The following NLRP1 variants were observed in gnomAD, a reference collection of about 807,000 sequenced individuals.
NLRP1 encodes the protein NACHT, LRR and PYD domains-containing protein 1.
A neutral mutation model predicts 136.7 loss-of-function variants in NLRP1; 94 were observed. That is an observed-to-expected ratio of 0.69 (90% CI 0.58 to 0.82). NLRP1 has a LOEUF of 0.82. NLRP1 is among the 40% of genes least tolerant of loss of function. The probability of loss-of-function intolerance (pLI) is 0.00; values close to 1 mark genes in which losing one functional copy is unlikely to be tolerated. For synonymous variants in NLRP1, 690 were observed against 725.1 expected, an observed-to-expected ratio of 0.95 and a Z score of 0.78; for missense variants, 1,575 against 1,802.7, an observed-to-expected ratio of 0.87 and a Z score of 2.29.
At chr17:5,569,223 G>A (rs534035888) in intron 3 of NLRP1, among the ~76,000 whole-genome samples, 5 of 152,242 alleles carry the variant, frequency 3.3e-5, no homozygotes, top group Admixed American at 6.5e-5. Flanking sequence ...AATCAAGTCT[G>A]CAAAATAATC....
intron 7 of NLRP1, among the ~76,000 whole-genome samples, chr17:5,539,022 C>T (rs1433260869): frequency 6.6e-6 from 1 of 152,100 alleles, no homozygotes; most frequent in African/African-American, 2.4e-5. Flanking sequence ...AGGTGCACAC[C>T]ACCATGCCCA....
intron 3 of NLRP1, among the ~76,000 whole-genome samples, chr17:5,579,242 C>G (rs1905322811): frequency 6.7e-6 from 1 of 148,326 alleles, no homozygotes; most frequent in Non-Finnish European, 1.5e-5. Context: ...CACATGTACC[C>G]TAGAACTTAA....
rs761691866 is a variant in NLRP1, at chr17:5,517,852, G to T, written c.3951C>A (p.Asp1317Glu). The change falls in exon 15 of 17, where the codon GAC becomes GAA. Residue 1317 changes from aspartate (D) to glutamate (E), a missense_variant. Coordinates refer to ENST00000572272, the MANE Select transcript of NLRP1 (RefSeq NM_033004.4). ...CAACGTAGAACTCCGAGAACAGCTGGTCTTCTCCAGGGCTTCGATAGCAGA... is the reference window on the plus strand; with the variant it reads ...CAACGTAGAACTCCGAGAACAGCTGTTCTTCTCCAGGGCTTCGATAGCAGA... ...LELCYRSPGEDQLFSEFYVGH... is the reference protein window; with the variant it reads ...LELCYRSPGEEQLFSEFYVGH... The T allele has an allele frequency of 2.5e-6, 4 of 1,614,022 alleles. No individual in the cohort carries two copies. Among genetic ancestry groups the T allele is most frequent in the Non-Finnish European group, 3.4e-6 (4 of 1,180,012 alleles).
chr17:5,572,019 G>A (rs559084639), intron 3 of NLRP1, among the ~76,000 whole-genome samples: 5 of 152,186 alleles, frequency 3.3e-5, no homozygotes, highest in African/African-American at 9.6e-5. Flanking sequence ...TATTCAATAC[G>A]TGATGCTGAG....
intron 15 of NLRP1, among the ~76,000 whole-genome samples, chr17:5,507,651 C>T (rs8069658): frequency 0.28 from 42,721 of 152,138 alleles, 6,463 homozygotes; most frequent in African/African-American, 0.4. Context: ...AGTGAAACCC[C>T]GTCTCTATTA....
intron 15 of NLRP1, 34 bp from the exon 16 acceptor site, chr17:5,515,551 A>G (rs1907992458): frequency 1.3e-6 from 2 of 1,554,580 alleles, no homozygotes; most frequent in Non-Finnish European, 1.8e-6. Flanking sequence ...TGCATCTGAA[A>G]CAGTGCTAAG....
rs775300927 is a variant in NLRP1, at chr17:5,559,062, T to C, written c.1634A>G (p.Lys545Arg). 1.9e-6 allele frequency: 3 copies of C among 1,614,156 alleles called. No homozygotes were observed. Among genetic ancestry groups the C allele is most frequent in the Non-Finnish European group, 1.7e-6 (2 of 1,180,032 alleles). ...ATGTAGACAGAGGGTTGTGGTGGTC[T>C]TGGAAGTCAGTGTGAGTTTTTCCTT... ...KRKEKLTLTS[K>R]TTTTLCLHYL... Residue 545 changes from lysine to arginine, a missense_variant, in exon 4 of 17, where the codon AAG (lysine) becomes AGG (arginine). Lys to Arg is a conservative substitution (Grantham distance 26). Transcript: ENST00000572272.
chr17:5,580,990 C>T (rs1008376622), intron 3 of NLRP1, among the ~76,000 whole-genome samples: 5 of 152,102 alleles, frequency 3.3e-5, no homozygotes, highest in African/African-American at 1.2e-4. Context: ...TGTTACATGG[C>T]TTCTTTTTTT....
chr17:5,534,090 A>G (rs1910718096), intron 8 of NLRP1, 102 bp from the exon 9 acceptor site: 14 of 832,604 alleles, frequency 1.7e-5, no homozygotes, highest in South Asian at 5.4e-5. Context: ...GGTCGGGTGC[A>G]GTGGCTCATG....
Position 5,533,390 on chromosome 17 carries a change from G to GA in NLRP1, c.3053-7dup. On this transcript the variant is annotated splice_region_variant and splice_polypyrimidine_tract_variant and intron_variant, in intron 9 of 16. Coordinates refer to ENST00000572272, the MANE Select transcript of NLRP1 (RefSeq NM_033004.4). Reference sequence around the variant, plus strand: ...AACATGGGAAGCCGCCCTCTCTACAGAAAAAAGAAAAATATCAGCCAGGCA... The same window carrying GA: ...AACATGGGAAGCCGCCCTCTCTACAGAAAAAAAGAAAAATATCAGCCAGGCA... 1.0e-6 allele frequency: 1 copy of GA among 989,918 alleles called. No homozygotes were observed. The highest frequency in any genetic ancestry group is 1.6e-6 in the Non-Finnish European group (1 of 637,288). The allele number at this position is 989,918 out of a possible 1,614,324, so 61.3% of individuals were successfully genotyped here.
chr17:5,537,159 G>A lies in NLRP1; in HGVS notation c.2871-219C>T, dbSNP rs895013938. ...AGGGAAGGGAGGGAATCGGGGAGACGTGGGCTGTGAGGCAGTCTCCAATGG... is the reference window on the plus strand; with the variant it reads ...AGGGAAGGGAGGGAATCGGGGAGACATGGGCTGTGAGGCAGTCTCCAATGG... On this transcript the variant is annotated intron_variant, in intron 7 of 16. Transcript: ENST00000572272. The surrounding 1 kb of genome is among the most constrained non-coding windows in gnomAD (Gnocchi z 4.5). 6.6e-5 allele frequency among the ~76,000 whole-genome samples: 10 copies of A among 152,230 alleles called. No individual in the cohort carries two copies. Among genetic ancestry groups the A allele is most frequent in the Admixed American group, 5.2e-4 (8 of 15,284 alleles).
intron 2 of NLRP1, 51 bp from the exon 3 acceptor site, chr17:5,582,113 T>C (rs1321039132): frequency 1.4e-6 from 2 of 1,411,744 alleles, no homozygotes; most frequent in East Asian, 4.9e-5. Flanking sequence ...TTATTTTCTT[T>C]TAGGTGCATA....
chr17:5,566,191 ATTTCT>A (rs1417892703), intron 3 of NLRP1, among the ~76,000 whole-genome samples: 1 of 149,670 alleles, frequency 6.7e-6, no homozygotes, highest in East Asian at 2.0e-4. Context: ...GATCTTTGTT[ATTTCT>A]TTTCATCTAC....
intron 3 of NLRP1, among the ~76,000 whole-genome samples, chr17:5,563,803 T>C (rs372886165): frequency 4.3e-4 from 66 of 152,242 alleles, no homozygotes; most frequent in African/African-American, 1.6e-3. Context: ...AAGACAATCA[T>C]CCCTAAAACA....
intron 3 of NLRP1, among the ~76,000 whole-genome samples, chr17:5,572,835 G>C (rs977812294): frequency 1.3e-5 from 2 of 152,154 alleles, no homozygotes; most frequent in African/African-American, 4.8e-5. Context: ...TGCAAATTGG[G>C]GTGGTTCCAA....
At chr17:5,558,294 T>C (rs201855136) in intron 4 of NLRP1, 45 bp downstream of exon 4, 43 of 1,550,236 alleles carry the variant, frequency 2.8e-5, no homozygotes, top group South Asian at 1.3e-5. Context: ...CTCGGGCTTA[T>C]GGACTGACAG....
chr17:5,536,445 C>CTTTT lies in NLRP1; in HGVS notation c.2960+402_2960+405dup, dbSNP rs773821415. ...TACAGGCGTGAGCCACCATGCCCGG[C>CTTTT]TTTTTTTTTTTTTTTTTTTTTTTGA... On this transcript the variant is annotated intron_variant, in intron 8 of 16. Transcript: ENST00000572272. 7.7e-4 allele frequency among the ~76,000 whole-genome samples: 60 copies of CTTTT among 77,794 alleles called. 1 individual carries two copies. The highest frequency in any genetic ancestry group is 1.0e-3 in the East Asian group (2 of 1,926). The allele number at this position is 77,794 out of a possible 152,430, so 51.0% of individuals were successfully genotyped here. A position where few individuals can be genotyped will look rare whatever the true frequency, so the allele number is the denominator to read the frequency against.
rs1905950214 is a variant in NLRP1 at position 5,583,584 on chromosome 17, G to A, written c.271+103C>T. The A allele has an allele frequency of 2.5e-6, 3 of 1,211,948 alleles. No homozygotes were observed. The highest frequency in any genetic ancestry group is 3.4e-6 in the Non-Finnish European group (3 of 877,654). The allele number at this position is 1,211,948 out of a possible 1,614,324, so 75.1% of individuals were successfully genotyped here. A position where few individuals can be genotyped will look rare whatever the true frequency, so the allele number is the denominator to read the frequency against. ...GGCAGTTCCATGTCACTGCTCAGAG[G>A]AAGGCCTGGCAGGGAGGGCTCAGTG... is the stretch of plus-strand genomic sequence containing the variant. On this transcript the variant is annotated intron_variant, in intron 1 of 16. Transcript: ENST00000572272. This position sits in a 1 kb window ranked among gnomAD's most constrained non-coding sequence, Gnocchi z 4.5.
chr17:5,517,611 C>A (rs1908325731), intron 15 of NLRP1, 135 bp downstream of exon 15: 2 of 997,432 alleles, frequency 2.0e-6, no homozygotes, highest in Non-Finnish European at 3.0e-6. Context: ...TGGTCTTGAA[C>A]TCCTGACCTT....
Sources: allele counts gnomAD v4.1 joint callset (sites outside exome capture counted in the v4.1 genomes callset), GRCh38; gene constraint gnomAD v4.1.1; non-coding constraint Gnocchi (gnomAD v3.1); transcripts MANE v1.5; gene names NCBI Gene and HGNC (gene_info 2026-07-23, HGNC 2026-07-21).